ARMH4: variants seen among roughly 807,000 people sequenced by gnomAD.
ARMH4 encodes the protein armadillo-like helical domain-containing protein 4.
In ARMH4, 49 loss-of-function variants were observed where a neutral mutation model predicts 61.9. That is an observed-to-expected ratio of 0.79 (90% CI 0.63 to 1.00). The LOEUF (loss-of-function observed/expected upper bound fraction) is 1.00. ARMH4 is among the 50% of genes least tolerant of loss of function. The probability of loss-of-function intolerance (pLI) is 0.00; values close to 1 mark genes in which losing one functional copy is unlikely to be tolerated. For missense variants in ARMH4, 934 were observed against 930.0 expected, an observed-to-expected ratio of 1.00 and a Z score of -0.06; for synonymous variants, 368 against 341.5, an observed-to-expected ratio of 1.08 and a Z score of -0.85.
chr14:58,046,908 T>C (rs1883964515), intron 5 of ARMH4, among the ~76,000 whole-genome samples: 1 of 152,216 alleles, frequency 6.6e-6, no homozygotes, highest in African/African-American at 2.4e-5. Context: ...TCTTTTATAT[T>C]ACCATAAAAC....
At chr14:58,126,442 A>T (rs1349830298) in intron 4 of ARMH4, among the ~76,000 whole-genome samples, 2 of 152,350 alleles carry the variant, frequency 1.3e-5, no homozygotes, top group East Asian at 3.9e-4. Context: ...AAATTAAGAG[A>T]CACTGCAAAT....
chr14:58,065,679 C>G (rs941033415), intron 5 of ARMH4, among the ~76,000 whole-genome samples: 1 of 152,272 alleles, frequency 6.6e-6, no homozygotes, highest in Non-Finnish European at 1.5e-5. Flanking sequence ...TGTGAGTAAT[C>G]TCTTCCTCTT....
chr14:58,001,964 A>G lies in ARMH4; in HGVS notation c.*2772T>C, dbSNP rs1882001559. 6.6e-6 allele frequency: 1 copy of G among 152,210 alleles called. No homozygotes were observed. The highest frequency in any genetic ancestry group is 6.5e-5 in the Admixed American group (1 of 15,282). 9.4% of individuals were successfully genotyped at this position (152,210 alleles called of 1,614,324 possible). A position where few individuals can be genotyped will look rare whatever the true frequency, so the allele number is the denominator to read the frequency against. ...GCTGCAGGAATCAGCCCTCCTTTCCAGACAGCTTTATTTGTTTCACTGTTA... is the reference window on the plus strand; with the variant it reads ...GCTGCAGGAATCAGCCCTCCTTTCCGGACAGCTTTATTTGTTTCACTGTTA... On this transcript the variant is annotated 3_prime_UTR_variant, in exon 8 of 8. Coordinates refer to ENST00000267485, the MANE Select transcript of ARMH4 (RefSeq NM_001001872.4).
intron 5 of ARMH4, among the ~76,000 whole-genome samples, chr14:58,016,321 G>A (rs1235917743): frequency 6.6e-6 from 1 of 152,052 alleles, no homozygotes; most frequent in Non-Finnish European, 1.5e-5. Flanking sequence ...AATACTTAAT[G>A]GCAAGATGTT....
intron 5 of ARMH4, among the ~76,000 whole-genome samples, chr14:58,027,576 G>A (rs866406581): frequency 1.3e-5 from 2 of 152,046 alleles, no homozygotes; most frequent in Non-Finnish European, 2.9e-5. Flanking sequence ...GTTTGATATA[G>A]GTAAACATGA....
rs921588026 is a variant in ARMH4 at position 58,138,047 on chromosome 14, C to T, written c.1312G>A (p.Val438Ile). Residue 438 changes from valine (V) to isoleucine (I), a missense_variant, in exon 2 of 8, where the codon GTT becomes ATT. Val to Ile is a conservative substitution (Grantham distance 29, BLOSUM62 3). Coordinates refer to ENST00000267485, the MANE Select transcript of ARMH4 (RefSeq NM_001001872.4). The stretch of plus-strand genomic sequence containing the variant: ...TCAGACTCATATACAGAGACAGAAA[C>T]AGTGGTTTCTAAGAAAAACAGGGCA... ...NDALFFLETT[V>I]SVSVYESEAD... 4.3e-6 allele frequency: 7 copies of T among 1,614,134 alleles called. No individual in the cohort carries two copies. The highest frequency in any genetic ancestry group is 5.9e-6 in the Non-Finnish European group (7 of 1,180,016).
In ARMH4 at chr14:58,004,755, C is replaced by G; in HGVS notation, c.2306G>C (p.Ser769Thr). ...MQDRVMLLADSSEDEF is the reference protein window; with the variant it reads ...MQDRVMLLADTSEDEF ...TCCAATTCAAAATTCATCTTCAGAGCTGTCGGCTAAGAGCATTACTCGATC... is the reference window on the plus strand; with the variant it reads ...TCCAATTCAAAATTCATCTTCAGAGGTGTCGGCTAAGAGCATTACTCGATC... The change falls in exon 8 of 8, where the codon AGC becomes ACC. Residue 769 changes from serine (S) to threonine (T), a missense_variant. Physicochemically the swap from Ser to Thr is moderately conservative, Grantham distance 58. Coordinates refer to ENST00000267485, the MANE Select transcript of ARMH4 (RefSeq NM_001001872.4). 1 of 1,609,188 alleles carries G rather than the reference C, an allele frequency of 6.2e-7. No homozygotes were observed. Among genetic ancestry groups the G allele is most frequent in the Non-Finnish European group, 8.5e-7 (1 of 1,175,934 alleles).
chr14:58,070,835 T>C (rs542062908), intron 5 of ARMH4, among the ~76,000 whole-genome samples: 2 of 152,258 alleles, frequency 1.3e-5, no homozygotes, highest in African/African-American at 4.8e-5. Context: ...TTTGTACCCA[T>C]TAACCATCCC....
chr14:58,013,806 G>C (rs553644468), intron 5 of ARMH4, among the ~76,000 whole-genome samples: 7 of 152,198 alleles, frequency 4.6e-5, no homozygotes, highest in Admixed American at 2.0e-4. Flanking sequence ...TGGAGAGGCA[G>C]AGGCAGGTGA....
At position 58,084,085 on chromosome 14, in the gene ARMH4, G is replaced by A. The variant is rs371537370; in HGVS notation, c.2089+12639C>T. Among the ~76,000 whole-genome samples, 137 of 152,294 alleles carry A rather than the reference G, an allele frequency of 9.0e-4. 1 individual carries two copies. The South Asian group carries it at 0.011, about 12-fold the overall frequency. The stretch of plus-strand genomic sequence containing the variant: ...TACAGTGAGGGGGATTAAGAGAAGA[G>A]TGAAGCCTCTTGGGATCCCAGGACA... On this transcript the variant is annotated intron_variant, in intron 5 of 7. Transcript: ENST00000267485.
At chr14:58,124,145 T>C (rs1886821968) in intron 4 of ARMH4, among the ~76,000 whole-genome samples, 1 of 152,220 alleles carries the variant, frequency 6.6e-6, no homozygotes, top group East Asian at 1.9e-4. Flanking sequence ...CAGACCATTA[T>C]ATACACTAAT....
chr14:58,042,033 C>T (rs1387974781), intron 5 of ARMH4, among the ~76,000 whole-genome samples: 3 of 151,556 alleles, frequency 2.0e-5, no homozygotes, highest in Admixed American at 6.6e-5. Flanking sequence ...ATTAGACAGA[C>T]CAACGAGACA....
At chr14:58,134,935 T>C (rs1375736210) in intron 2 of ARMH4, among the ~76,000 whole-genome samples, 1 of 136,806 alleles carries the variant, frequency 7.3e-6, no homozygotes, top group Non-Finnish European at 1.5e-5. Flanking sequence ...CCAGCCTAGA[T>C]GACAGAGGGA....
chr14:58,117,077 C>G lies in ARMH4; in HGVS notation c.1831+14435G>C, dbSNP rs149062444. On this transcript the variant is annotated intron_variant, in intron 4 of 7. Transcript: ENST00000267485. ...AGAGACCCTCCTGCCTCCACTTCTC[C>G]AGTAGCTGGGATTACAGGCATAAGC... Among the ~76,000 whole-genome samples the G allele has an allele frequency of 1.5e-3, 231 of 152,254 alleles. 1 individual carries two copies. Among genetic ancestry groups the G allele is most frequent in the African/African-American group, 5.3e-3 (219 of 41,544 alleles).
intron 5 of ARMH4, among the ~76,000 whole-genome samples, chr14:58,032,991 G>C (rs1883317155): frequency 7.2e-6 from 1 of 139,520 alleles, no homozygotes; most frequent in African/African-American, 2.7e-5. Flanking sequence ...GCCCGCCATT[G>C]CCCAGGCTTG....
intron 5 of ARMH4, among the ~76,000 whole-genome samples, chr14:58,045,421 C>A (rs985012603): frequency 1.3e-5 from 2 of 151,940 alleles, no homozygotes; most frequent in Non-Finnish European, 2.9e-5. Flanking sequence ...ATGAGAACAC[C>A]TGGACACAGG....
chr14:58,139,442 G>A, intron 1 of ARMH4, 28 bp from the exon 2 acceptor site: 1 of 1,259,500 alleles, frequency 7.9e-7, no homozygotes. Context: ...ATATCAAACT[G>A]TCATATAAAT....
chr14:58,055,648 A>C (rs1490867665), intron 5 of ARMH4, among the ~76,000 whole-genome samples: 2 of 152,152 alleles, frequency 1.3e-5, no homozygotes, highest in Non-Finnish European at 2.9e-5. Context: ...GAGCTTGTTA[A>C]AATGCAGAAT....
chr14:58,084,447 A>G (rs1885321534), intron 5 of ARMH4, among the ~76,000 whole-genome samples: 2 of 152,162 alleles, frequency 1.3e-5, no homozygotes, highest in Non-Finnish European at 2.9e-5. Flanking sequence ...GATGTGCAAT[A>G]CTTTATCAGG....
Sources: gnomAD v4.1 joint callset for allele counts (sites outside exome capture counted in the v4.1 genomes callset) on GRCh38, gnomAD v4.1.1 for gene constraint, MANE v1.5 for transcripts, NCBI Gene and HGNC (gene_info 2026-07-23, HGNC 2026-07-21) for gene names.